Variants in DPP6 observed in about 807,000 individuals in gnomAD.
DPP6 encodes the protein dipeptidyl peptidase like 6, also known as A-type potassium channel modulatory protein DPP6.
A neutral mutation model predicts 122.6 loss-of-function variants in DPP6; 69 were observed. That is an observed-to-expected ratio of 0.56 (90% CI 0.46 to 0.69). DPP6 has a LOEUF of 0.69. Ranked by LOEUF, DPP6 falls within the 30% of genes least tolerant of loss-of-function variation. DPP6 has a pLI of 0.00. For missense variants in DPP6, 928 were observed against 1,116.9 expected (o/e 0.83, Z 2.41); for synonymous variants, 418 against 433.1 (o/e 0.97, Z 0.43).
intron 1 of DPP6, among the ~76,000 whole-genome samples, chr7:154,105,392 C>T (rs139827095): frequency 2.2e-3 from 341 of 152,316 alleles, no homozygotes; most frequent in Middle Eastern, 3.4e-3. Flanking sequence ...CTGCTCACTG[C>T]GGAGCCTGTG....
chr7:153,906,851 C>T (rs1209524472), intron 1 of DPP6, among the ~76,000 whole-genome samples: 15 of 152,154 alleles, frequency 9.9e-5, no homozygotes, highest in Admixed American at 9.2e-4. Context: ...TTCATATGGC[C>T]GAGTAGTATT....
chr7:154,134,870 C>T (rs1222446287), intron 1 of DPP6, among the ~76,000 whole-genome samples: 1 of 151,956 alleles, frequency 6.6e-6, no homozygotes, highest in Admixed American at 6.6e-5. Flanking sequence ...TTCCTGTGAG[C>T]TTACATGTCC....
intron 10 of DPP6, among the ~76,000 whole-genome samples, chr7:154,779,155 C>A (rs1001763824): frequency 1.0e-4 from 3 of 29,252 alleles, no homozygotes; most frequent in African/African-American, 3.5e-4. Context: ...CCCCCACCAT[C>A]ATCTCCACTA....
At chr7:154,800,506 C>A (rs530307063) in intron 12 of DPP6, among the ~76,000 whole-genome samples, 50 of 152,312 alleles carry the variant, frequency 3.3e-4, no homozygotes, top group Non-Finnish European at 6.6e-4. Flanking sequence ...CCTTTTTCGC[C>A]CATCAAAGCA....
At chr7:154,258,139 G>GC (rs1311354110) in intron 1 of DPP6, among the ~76,000 whole-genome samples, 1 of 136,166 alleles carries the variant, frequency 7.3e-6, no homozygotes, top group Non-Finnish European at 1.6e-5. Context: ...GCGAGGCGAG[G>GC]GGAGGGGAGG....
chr7:154,892,546 G>A lies in DPP6; in HGVS notation c.*66G>A. On this transcript the variant is annotated 3_prime_UTR_variant, in exon 26 of 26. Transcript: ENST00000377770. ...CCAGATGCAACCGAGGGATTTCCCT[G>A]CCCTCCCTCTTCCCTCGGAGGGGCG... 1 of 1,509,584 alleles carries A rather than the reference G, an allele frequency of 6.6e-7. No individual in the cohort carries two copies. The highest frequency in any genetic ancestry group is 9.0e-7 in the Non-Finnish European group (1 of 1,115,510). The allele number at this position is 1,509,584 out of a possible 1,614,324, so 93.5% of individuals were successfully genotyped here. A position where few individuals can be genotyped will look rare whatever the true frequency, so the allele number is the denominator to read the frequency against.
chr7:154,508,242 A>C (rs1586489099), intron 3 of DPP6, among the ~76,000 whole-genome samples: 1 of 152,012 alleles, frequency 6.6e-6, no homozygotes, highest in Non-Finnish European at 1.5e-5. Context: ...GTTATCTTAT[A>C]CCTGGATTCT....
chr7:154,630,444 AG>A (rs1189579731), intron 5 of DPP6, among the ~76,000 whole-genome samples: 3 of 152,244 alleles, frequency 2.0e-5, no homozygotes, highest in African/African-American at 7.2e-5. Context: ...AAAATAAGCA[AG>A]GGGAATGGCT....
intron 10 of DPP6, among the ~76,000 whole-genome samples, chr7:154,783,292 G>C (rs538392764): frequency 6.6e-6 from 1 of 152,122 alleles, no homozygotes; most frequent in Non-Finnish European, 1.5e-5. Flanking sequence ...TGATTGCTGC[G>C]AAATCAGGAC....
chr7:154,517,109 G>A (rs1024311302), intron 3 of DPP6, among the ~76,000 whole-genome samples: 2 of 152,170 alleles, frequency 1.3e-5, no homozygotes, highest in African/African-American at 2.4e-5. Context: ...GCTGGGAGAT[G>A]GTGAAGAAAG....
chr7:154,594,173 A>G (rs1446124915), intron 5 of DPP6, among the ~76,000 whole-genome samples: 1 of 152,208 alleles, frequency 6.6e-6, no homozygotes, highest in Non-Finnish European at 1.5e-5. Flanking sequence ...GGATCTTCTA[A>G]TCTTGCATTA....
intron 1 of DPP6, among the ~76,000 whole-genome samples, chr7:154,294,770 C>T (rs1372776897): frequency 6.6e-6 from 1 of 152,148 alleles, no homozygotes; most frequent in Non-Finnish European, 1.5e-5. Context: ...CCTTTCCCTA[C>T]AGGCCACTGA....
intron 8 of DPP6, among the ~76,000 whole-genome samples, chr7:154,761,050 G>C (rs1303102151): frequency 6.6e-6 from 1 of 152,100 alleles, no homozygotes; most frequent in Non-Finnish European, 1.5e-5. Context: ...GACCAGGCTG[G>C]TCTCAAACTC....
At chr7:154,577,987 A>G (rs1831794094) in intron 5 of DPP6, among the ~76,000 whole-genome samples, 1 of 152,214 alleles carries the variant, frequency 6.6e-6, no homozygotes, top group Non-Finnish European at 1.5e-5. Context: ...GTGTGTTACG[A>G]CCAATTCCAT....
intron 5 of DPP6, among the ~76,000 whole-genome samples, chr7:154,630,806 G>C (rs1835362128): frequency 6.6e-6 from 1 of 152,102 alleles, no homozygotes; most frequent in Admixed American, 6.5e-5. Flanking sequence ...CAAGGGGAGG[G>C]AGAGCATTAG....
intron 1 of DPP6, among the ~76,000 whole-genome samples, chr7:154,003,846 T>C (rs544626284): frequency 3.3e-4 from 51 of 152,300 alleles, no homozygotes; most frequent in South Asian, 1.0e-3. Context: ...CTCCTGAGAC[T>C]TAAGCTCAGA....
At chr7:153,992,588 G>C (rs532673302) in intron 1 of DPP6, among the ~76,000 whole-genome samples, 2 of 152,140 alleles carry the variant, frequency 1.3e-5, no homozygotes, top group Non-Finnish European at 2.9e-5. Flanking sequence ...CATCTAATCC[G>C]TCCTACCCAC....
the DPP6 span, among the ~76,000 whole-genome samples, chr7:153,876,404 TCA>T: frequency 0.29 from 43,815 of 150,452 alleles, 6,438 homozygotes; most frequent in Admixed American, 0.36. Flanking sequence ...TGAAAACAAA[TCA>T]CACACACACA....
At chr7:154,396,815 T>C (rs1167401853) in intron 1 of DPP6, among the ~76,000 whole-genome samples, 1 of 152,180 alleles carries the variant, frequency 6.6e-6, no homozygotes, top group Non-Finnish European at 1.5e-5. Flanking sequence ...TGTGGTGGCA[T>C]GCACCTATAA....
Sources: gnomAD v4.1 joint callset for allele counts (sites outside exome capture counted in the v4.1 genomes callset) on GRCh38, gnomAD v4.1.1 for gene constraint, MANE v1.5 for transcripts, NCBI Gene and HGNC (gene_info 2026-07-23, HGNC 2026-07-21) for gene names.